HGSNAT: variants seen among roughly 807,000 people sequenced by gnomAD.
HGSNAT encodes heparan-alpha-glucosaminide N-acetyltransferase.
HGSNAT carries 59 observed loss-of-function variants against 85.2 expected under a neutral mutation model. The ratio of observed to expected loss-of-function variants is 0.69; its 90% CI spans 0.56 to 0.86. HGSNAT has a LOEUF of 0.86. Ranked by LOEUF, HGSNAT falls within the 40% of genes least tolerant of loss-of-function variation. The probability of loss-of-function intolerance (pLI) is 0.00; values close to 1 mark genes in which losing one functional copy is unlikely to be tolerated. For synonymous variants in HGSNAT, 321 were observed against 304.5 expected (o/e 1.05, Z -0.56); for missense variants, 756 against 777.1 (o/e 0.97, Z 0.32).
intron 10 of HGSNAT, among the ~76,000 whole-genome samples, chr8:43,178,862 C>T (rs1342065562): frequency 6.8e-6 from 1 of 147,668 alleles, no homozygotes; most frequent in Admixed American, 6.8e-5. Flanking sequence ...GCACATCTTG[C>T]ACCACCCTTA....
intron 14 of HGSNAT, chr8:43,196,162 T>G: frequency 3.3e-6 from 1 of 299,602 alleles, no homozygotes. Context: ...CCTCTTGTGC[T>G]TCAACAGCAC....
chr8:43,186,940 A>G (rs535506242), intron 11 of HGSNAT, among the ~76,000 whole-genome samples: 9 of 152,320 alleles, frequency 5.9e-5, no homozygotes, highest in African/African-American at 1.9e-4. Context: ...GTTTCCATGT[A>G]GTTGAGCAGT....
chr8:43,160,236 C>T (rs1168127815), intron 4 of HGSNAT, among the ~76,000 whole-genome samples: 2 of 152,154 alleles, frequency 1.3e-5, no homozygotes, highest in African/African-American at 2.4e-5. Flanking sequence ...TTCAGGGTAA[C>T]CAAAGATAGT....
At chr8:43,146,681 A>G (rs1281405521) in intron 1 of HGSNAT, among the ~76,000 whole-genome samples, 1 of 152,134 alleles carries the variant, frequency 6.6e-6, no homozygotes, top group Non-Finnish European at 1.5e-5. Context: ...AGTGGTGTTG[A>G]CTGAATCCTC....
chr8:43,192,739 AGT>A (rs1460169343), intron 13 of HGSNAT, among the ~76,000 whole-genome samples: 2 of 151,910 alleles, frequency 1.3e-5, no homozygotes, highest in Non-Finnish European at 2.9e-5. Flanking sequence ...CCTGTGCAAT[AGT>A]GAGACCCCGT....
At chr8:43,161,602 C>T (rs983794133) in intron 5 of HGSNAT, 95 bp downstream of exon 5, 24 of 846,686 alleles carry the variant, frequency 2.8e-5, no homozygotes, top group East Asian at 5.3e-5. Context: ...CCATATTCTT[C>T]GATGATATGA....
intron 14 of HGSNAT, chr8:43,194,100 A>T: frequency 1.6e-6 from 2 of 1,235,422 alleles, no homozygotes; most frequent in African/African-American, 3.1e-5. Flanking sequence ...CAGTTTCTAG[A>T]TAAAAGGTTT....
rs373469974 is a variant in HGSNAT at position 43,170,678 on chromosome 8, G to A, written c.727G>A (p.Val243Met). Residue 243 changes from valine to methionine, a missense_variant, in exon 7 of 18, where the codon GTG (valine) becomes ATG (methionine). By Grantham distance (21) the Val-to-Met change is conservative. Coordinates refer to ENST00000379644, the MANE Select transcript of HGSNAT (RefSeq NM_152419.3). ...TGCCCTGCCGCCCCGCCTCCGCAGC[G>A]TGGACACCTTCAGGGGGTATGTGGG... ...LSALPPRLRS[V>M]DTFRGIALIL... is the part of the protein sequence containing the mutation. 2.0e-5 allele frequency: 32 copies of A among 1,602,184 alleles called. No individual in the cohort carries two copies. Among genetic ancestry groups the A allele is most frequent in the South Asian group, 5.6e-5 (5 of 88,816 alleles).
chr8:43,196,528 G>A lies in HGSNAT; in HGVS notation c.1465-420G>A, dbSNP rs771103199. 4.6e-5 allele frequency: 59 copies of A among 1,290,294 alleles called. No homozygotes were observed. In the South Asian group the frequency reaches 5.2e-4, roughly 11 times the overall value. 79.9% of individuals were successfully genotyped at this position (1,290,294 alleles called of 1,614,324 possible). A position where few individuals can be genotyped will look rare whatever the true frequency, so the allele number is the denominator to read the frequency against. Reference sequence around the variant, plus strand: ...GGCCCTGCCTGGAAGTAAGAGCCACGGAGCCTGCCCAGGTGCCCCTTCTCC... The same window carrying A: ...GGCCCTGCCTGGAAGTAAGAGCCACAGAGCCTGCCCAGGTGCCCCTTCTCC... On this transcript the variant is annotated intron_variant, in intron 14 of 17. Transcript: ENST00000379644.
chr8:43,181,364 G>C (rs1804116874), intron 10 of HGSNAT, among the ~76,000 whole-genome samples: 1 of 152,072 alleles, frequency 6.6e-6, no homozygotes, highest in Admixed American at 6.6e-5. Flanking sequence ...GGACAGCAGA[G>C]CTGAGGGAAG....
intron 14 of HGSNAT, chr8:43,196,071 C>G (rs1804717694): frequency 4.0e-6 from 1 of 250,114 alleles, no homozygotes; most frequent in Non-Finnish European, 7.9e-6. Flanking sequence ...GCTAGGAGTG[C>G]AGACCTGGAG....
chr8:43,195,537 G>A (rs1272234780), intron 14 of HGSNAT, among the ~76,000 whole-genome samples: 1 of 149,896 alleles, frequency 6.7e-6, no homozygotes, highest in Admixed American at 6.7e-5. Flanking sequence ...GGAAGAGGAG[G>A]AGGGAGTAGA....
At chr8:43,149,667 T>C (rs1184209086) in intron 2 of HGSNAT, among the ~76,000 whole-genome samples, 2 of 151,060 alleles carry the variant, frequency 1.3e-5, no homozygotes, top group Non-Finnish European at 2.9e-5. Flanking sequence ...GCCACTGTAC[T>C]CCAGCCTGGG....
intron 14 of HGSNAT, chr8:43,195,909 G>C (rs1041793922): frequency 1.6e-4 from 26 of 158,078 alleles, no homozygotes; most frequent in African/African-American, 6.3e-4. Context: ...TGTACATTTT[G>C]GTGATGAAAT....
intron 11 of HGSNAT, among the ~76,000 whole-genome samples, chr8:43,183,810 G>T (rs530116519): frequency 1.3e-5 from 2 of 151,802 alleles, no homozygotes; most frequent in Non-Finnish European, 2.9e-5. Flanking sequence ...AACAGGCCCC[G>T]GTGTGTGATG....
At chr8:43,160,456 G>A (rs1803234876) in intron 4 of HGSNAT, among the ~76,000 whole-genome samples, 1 of 152,154 alleles carries the variant, frequency 6.6e-6, no homozygotes, top group Non-Finnish European at 1.5e-5. Context: ...TTTCAGTGTT[G>A]GCCAGGAAGT....
rs1298615538 is a variant in HGSNAT at position 43,180,124 on chromosome 8, TC to T, written c.1012+1893del. Among the ~76,000 whole-genome samples, 11 of 34,326 alleles carry T rather than the reference TC, an allele frequency of 3.2e-4. 2 individuals are homozygous for T. The highest frequency in any genetic ancestry group is 1.1e-3 in the African/African-American group (11 of 10,168). 22.5% of individuals were successfully genotyped at this position (34,326 alleles called of 152,430 possible). A position where few individuals can be genotyped will look rare whatever the true frequency, so the allele number is the denominator to read the frequency against. On this transcript the variant is annotated intron_variant, in intron 10 of 17. Coordinates refer to ENST00000379644, the MANE Select transcript of HGSNAT (RefSeq NM_152419.3). ...CCGACCCCCCCCCCCACCGCCTCCC[TC>T]CCGGATGGGGCGGCTGGCCGGGCAG...
intron 9 of HGSNAT, 73 bp from the exon 10 acceptor site, chr8:43,178,001 A>G: frequency 1.7e-6 from 2 of 1,166,578 alleles, no homozygotes; most frequent in South Asian, 2.5e-5. Flanking sequence ...TTTATAGCAT[A>G]TTATAAAATG....
intron 5 of HGSNAT, among the ~76,000 whole-genome samples, chr8:43,167,570 A>G (rs1385275280): frequency 6.6e-6 from 1 of 152,262 alleles, no homozygotes; most frequent in African/African-American, 2.4e-5. Flanking sequence ...TTAATAGACT[A>G]TAGTATAGTG....
Sources: gnomAD v4.1 joint callset for allele counts (sites outside exome capture counted in the v4.1 genomes callset) on GRCh38, gnomAD v4.1.1 for gene constraint, MANE v1.5 for transcripts, NCBI Gene and HGNC (gene_info 2026-07-23, HGNC 2026-07-21) for gene names.